Variants in NFATC3 observed in about 807,000 individuals in gnomAD.
The protein encoded by NFATC3 is nuclear factor of activated T cells 3, also known as nuclear factor of activated T-cells, cytoplasmic 3.
In NFATC3, 46 loss-of-function variants were observed where a neutral mutation model predicts 98.6. The ratio of observed to expected loss-of-function variants is 0.47; its 90% CI spans 0.37 to 0.60. The LOEUF (loss-of-function observed/expected upper bound fraction) is 0.60. Ranked by LOEUF, NFATC3 falls within the 20% of genes least tolerant of loss-of-function variation. NFATC3 has a pLI of 0.00. For missense variants in NFATC3, 1,256 were observed against 1,295.5 expected, an observed-to-expected ratio of 0.97 and a Z score of 0.47; for synonymous variants, 512 against 472.2, an observed-to-expected ratio of 1.08 and a Z score of -1.09.
chr16:68,096,558 A>G (rs1056178863), intron 1 of NFATC3, among the ~76,000 whole-genome samples: 1 of 152,238 alleles, frequency 6.6e-6, no homozygotes, highest in Non-Finnish European at 1.5e-5. Context: ...AATTCAGTCT[A>G]TTGGAGTAGA....
chr16:68,091,307 G>T (rs2034694698), intron 1 of NFATC3, among the ~76,000 whole-genome samples: 1 of 152,194 alleles, frequency 6.6e-6, no homozygotes, highest in African/African-American at 2.4e-5. Context: ...AAAGTAAGCT[G>T]TAGAATCAAC....
intron 8 of NFATC3, chr16:68,189,421 G>T: frequency 4.7e-6 from 1 of 213,980 alleles, no homozygotes. Context: ...TGGACACATG[G>T]GAAAAAAGAT....
rs759933956 is a variant in NFATC3, at chr16:68,122,681, G to A, written c.798G>A (p.Arg266=). The A allele has an allele frequency of 1.5e-5, 24 of 1,614,122 alleles. No homozygotes were observed. In the African/African-American group the frequency reaches 3.2e-4, roughly 22 times the overall value. ...SPRPASGPSS[R]PTSPCGKRRH... The stretch of plus-strand genomic sequence containing the variant: ...GGCCAGCCTCAGGACCCTCATCAAG[G>A]CCCACATCCCCCTGTGGGAAACGGA... Residue 266 remains arginine, a synonymous_variant, in exon 2 of 10, where the codon AGG becomes AGA. Coordinates refer to ENST00000346183, the MANE Select transcript of NFATC3 (RefSeq NM_173165.3).
At chr16:68,135,984 A>C (rs2037385005) in intron 3 of NFATC3, among the ~76,000 whole-genome samples, 1 of 151,462 alleles carries the variant, frequency 6.6e-6, no homozygotes. Flanking sequence ...TATCACTTGA[A>C]CTCGGGAGGC....
chr16:68,145,247 C>T (rs558800213), intron 3 of NFATC3, among the ~76,000 whole-genome samples: 4 of 151,950 alleles, frequency 2.6e-5, no homozygotes, highest in East Asian at 1.9e-4. Context: ...AGGCCCAAGC[C>T]GTCCTCCAAT....
intron 4 of NFATC3, among the ~76,000 whole-genome samples, chr16:68,163,851 G>T (rs1363455137): frequency 7.2e-6 from 1 of 138,596 alleles, no homozygotes; most frequent in Admixed American, 7.3e-5. Flanking sequence ...GATGGCGGCC[G>T]GGAAGAGGCG....
intron 9 of NFATC3, among the ~76,000 whole-genome samples, chr16:68,196,776 A>G (rs1257423585): frequency 6.6e-6 from 1 of 152,154 alleles, no homozygotes; most frequent in Non-Finnish European, 1.5e-5. Context: ...TCACTCCTGT[A>G]TCTCAGCACT....
At position 68,174,463 on chromosome 16, in the gene NFATC3, G is replaced by A. The variant is rs1389750056; in HGVS notation, c.1864G>A (p.Gly622Arg). The A allele has an allele frequency of 1.9e-6, 3 of 1,603,348 alleles. No homozygotes were observed. Among genetic ancestry groups the A allele is most frequent in the Non-Finnish European group, 2.6e-6 (3 of 1,174,970 alleles). Residue 622 changes from glycine (G) to arginine (R), a missense_variant, in exon 6 of 10, where the codon GGA becomes AGA. Physicochemically the swap from Gly to Arg is moderately radical, Grantham distance 125 (BLOSUM62 -2). Around this residue, in one of 3 missense-constraint regions of NFATC3, gnomAD observed 636 missense variants for 617.3 expected, o/e 1.03. Coordinates refer to ENST00000346183, the MANE Select transcript of NFATC3 (RefSeq NM_173165.3). ...TGGAGGTCATGAAATGGTTGTGACT[G>A]GATCTAATTTTCTTCCAGAATCCAA... The part of the protein sequence containing the change: ...VNGGHEMVVT[G>R]SNFLPESKII...
chr16:68,220,056 G>A (rs1184980368), intron 9 of NFATC3, among the ~76,000 whole-genome samples: 1 of 152,202 alleles, frequency 6.6e-6, no homozygotes, highest in Non-Finnish European at 1.5e-5. Flanking sequence ...TGATAGCTGT[G>A]ACTCTACTTT....
At chr16:68,107,120 C>T (rs1353783997) in intron 1 of NFATC3, among the ~76,000 whole-genome samples, 1 of 152,108 alleles carries the variant, frequency 6.6e-6, no homozygotes, top group Non-Finnish European at 1.5e-5. Context: ...TGTATGTGTA[C>T]TACATTTTCT....
At chr16:68,107,694 G>A (rs998243526) in intron 1 of NFATC3, among the ~76,000 whole-genome samples, 3 of 152,020 alleles carry the variant, frequency 2.0e-5, no homozygotes, top group Non-Finnish European at 1.5e-5. Context: ...CTGCACTCCA[G>A]CCTAGGCGAC....
chr16:68,102,991 C>G (rs1449634639), intron 1 of NFATC3, among the ~76,000 whole-genome samples: 1 of 152,020 alleles, frequency 6.6e-6, no homozygotes, highest in African/African-American at 2.4e-5. Context: ...GCATGTTGGT[C>G]ATTTGTATAT....
At chr16:68,131,606 T>A (rs988715213) in intron 3 of NFATC3, among the ~76,000 whole-genome samples, 1 of 151,932 alleles carries the variant, frequency 6.6e-6, no homozygotes, top group Admixed American at 6.6e-5. Flanking sequence ...CAAAACAAAA[T>A]TTTAAAAGAA....
intron 1 of NFATC3, among the ~76,000 whole-genome samples, chr16:68,101,506 C>T (rs1292800879): frequency 5.5e-5 from 8 of 144,798 alleles, no homozygotes; most frequent in African/African-American, 1.8e-4. Context: ...TTTTTTGAGA[C>T]GGAGTCTCGC....
chr16:68,104,000 T>A (rs2035508436), intron 1 of NFATC3, among the ~76,000 whole-genome samples: 1 of 152,216 alleles, frequency 6.6e-6, no homozygotes, highest in Non-Finnish European at 1.5e-5. Context: ...TTCAGTGTTA[T>A]TTTGGCTGTT....
At chr16:68,166,322 C>T (rs910438354) in intron 4 of NFATC3, among the ~76,000 whole-genome samples, 2 of 152,152 alleles carry the variant, frequency 1.3e-5, no homozygotes, top group Non-Finnish European at 2.9e-5. Flanking sequence ...AGTGGGAGCT[C>T]AGCTAGGGTT....
intron 6 of NFATC3, among the ~76,000 whole-genome samples, chr16:68,179,132 T>C (rs745322510): frequency 5.9e-5 from 9 of 152,208 alleles, no homozygotes; most frequent in African/African-American, 1.7e-4. Context: ...CCTCATATTA[T>C]GAGTTCTGTC....
intron 9 of NFATC3, among the ~76,000 whole-genome samples, chr16:68,224,125 TTAAAAA>T (rs147455108): frequency 0.041 from 5,770 of 142,210 alleles, 357 homozygotes; most frequent in African/African-American, 0.14. Flanking sequence ...ATGCACCAGT[TTAAAAA>T]AAAAAAAAAA....
At chr16:68,141,013 G>A (rs977479336) in intron 3 of NFATC3, among the ~76,000 whole-genome samples, 1 of 152,098 alleles carries the variant, frequency 6.6e-6, no homozygotes, top group African/African-American at 2.4e-5. Context: ...TGTACCCATA[G>A]CTTTGCTCCC....
Sources: allele counts gnomAD v4.1 joint callset (sites outside exome capture counted in the v4.1 genomes callset), GRCh38; gene constraint gnomAD v4.1.1; regional missense constraint gnomAD v4.1.1; transcripts MANE v1.5; gene names NCBI Gene and HGNC (gene_info 2026-07-23, HGNC 2026-07-21).